The following TRIO variants were observed in gnomAD, a reference collection of about 807,000 sequenced individuals.
TRIO encodes the protein trio Rho guanine nucleotide exchange factor.
TRIO carries 58 observed loss-of-function variants against 351.9 expected under a neutral mutation model. That is an observed-to-expected ratio of 0.16 (90% confidence interval 0.13 to 0.21). The LOEUF is 0.21. TRIO is among the 10% of genes least tolerant of loss of function. TRIO has a pLI of 1.00. For missense variants in TRIO, 3,201 were observed against 4,027.8 expected, an observed-to-expected ratio of 0.79 and a Z score of 5.56; for synonymous variants, 1,758 against 1,595.7, an observed-to-expected ratio of 1.10 and a Z score of -2.42.
At position 14,168,421 on chromosome 5, in the gene TRIO, T is replaced by C. The variant is rs144415719; in HGVS notation, c.157+24539T>C. 2.3e-4 allele frequency among the ~76,000 whole-genome samples: 35 copies of C among 152,368 alleles called. No homozygotes were observed. In the East Asian group the frequency reaches 6.4e-3, roughly 28 times the overall value. On this transcript the variant is annotated intron_variant, in intron 1 of 56. Coordinates refer to ENST00000344204, the MANE Select transcript of TRIO (RefSeq NM_007118.4). The stretch of plus-strand genomic sequence containing the variant: ...AAGTACATTACTCATATTTTTAAAA[T>C]AGGAGATTCCCAAGTGGATCTGGCT...
intron 1 of TRIO, among the ~76,000 whole-genome samples, chr5:14,260,486 C>T (rs1029235543): frequency 2.6e-5 from 4 of 152,184 alleles, no homozygotes; most frequent in Admixed American, 2.0e-4. Flanking sequence ...GAATGCCAAG[C>T]GATTAAACAC....
chr5:14,151,380 GTGTGTT>G (rs921967949), intron 1 of TRIO, among the ~76,000 whole-genome samples: 2 of 84,238 alleles, frequency 2.4e-5, no homozygotes, highest in East Asian at 2.5e-4. Context: ...GTGTGTGTGT[GTGTGTT>G]TGTGTGTGTG....
At chr5:14,461,425 C>T in intron 35 of TRIO, 114 bp downstream of exon 35, 2 of 1,342,912 alleles carry the variant, frequency 1.5e-6, no homozygotes, top group Non-Finnish European at 2.0e-6. Context: ...TCCGCACTTA[C>T]TCAGAAATTA....
intron 56 of TRIO, 98 bp from the exon 57 acceptor site, chr5:14,507,782 C>A: frequency 7.0e-7 from 1 of 1,438,368 alleles, no homozygotes; most frequent in Non-Finnish European, 9.3e-7. Context: ...TAGTTGACAT[C>A]CTAGATTCCT....
chr5:14,269,328 A>G (rs1795860199), intron 1 of TRIO, among the ~76,000 whole-genome samples: 1 of 152,236 alleles, frequency 6.6e-6, no homozygotes, highest in African/African-American at 2.4e-5. Context: ...GTTTCTATGA[A>G]TGATAATGTT....
intron 1 of TRIO, among the ~76,000 whole-genome samples, chr5:14,210,898 C>T (rs1791848831): frequency 6.6e-6 from 1 of 151,958 alleles, no homozygotes; most frequent in Non-Finnish European, 1.5e-5. Flanking sequence ...CCACTCCCTT[C>T]CTCCTTTCAC....
intron 41 of TRIO, chr5:14,477,298 TAAC>T (rs1364544437): frequency 4.8e-6 from 1 of 208,412 alleles, no homozygotes; most frequent in African/African-American, 2.3e-5. Context: ...GGGTTTAACA[TAAC>T]AGCCAAATAG....
At chr5:14,284,875 A>G (rs946091741) in intron 3 of TRIO, among the ~76,000 whole-genome samples, 2 of 152,230 alleles carry the variant, frequency 1.3e-5, no homozygotes, top group Admixed American at 6.5e-5. Context: ...CTTACTGGGC[A>G]GCAGGCTTCC....
chr5:14,337,658 A>T, intron 11 of TRIO, among the ~76,000 whole-genome samples: 1 of 152,172 alleles, frequency 6.6e-6, no homozygotes, highest in East Asian at 1.9e-4. Context: ...ATTTCAAGGC[A>T]TCAGTGCTCG....
intron 1 of TRIO, among the ~76,000 whole-genome samples, chr5:14,218,349 A>C (rs1032115505): frequency 1.8e-4 from 27 of 152,190 alleles, no homozygotes; most frequent in African/African-American, 6.5e-4. Flanking sequence ...AATCATAATA[A>C]CCCACATAGA....
intron 4 of TRIO, 89 bp from the exon 5 acceptor site, chr5:14,290,627 A>C: frequency 1.3e-5 from 17 of 1,358,516 alleles, no homozygotes; most frequent in Non-Finnish European, 1.5e-5. Context: ...TTAACTTTGA[A>C]AACCTGTGAC....
chr5:14,279,887 A>T (rs778556222), intron 2 of TRIO, among the ~76,000 whole-genome samples: 1 of 152,208 alleles, frequency 6.6e-6, no homozygotes, highest in Non-Finnish European at 1.5e-5. Flanking sequence ...TCCTTTCAAG[A>T]CTTAGACCCA....
intron 48 of TRIO, among the ~76,000 whole-genome samples, chr5:14,492,164 T>C (rs1403718065): frequency 6.6e-6 from 1 of 152,220 alleles, no homozygotes; most frequent in African/African-American, 2.4e-5. Context: ...CATCAATTAA[T>C]TCTAATACCT....
At chr5:14,416,793 T>C (rs966524063) in intron 33 of TRIO, among the ~76,000 whole-genome samples, 5 of 152,080 alleles carry the variant, frequency 3.3e-5, no homozygotes, top group African/African-American at 1.2e-4. Context: ...TCTGGAAAAT[T>C]AATAAGACTC....
intron 34 of TRIO, among the ~76,000 whole-genome samples, chr5:14,436,540 A>G (rs1360356422): frequency 1.3e-5 from 2 of 152,156 alleles, no homozygotes. Context: ...AATAACTCAA[A>G]AGTCCACAGT....
intron 1 of TRIO, among the ~76,000 whole-genome samples, chr5:14,226,017 C>G (rs1581392207): frequency 6.6e-6 from 1 of 152,164 alleles, no homozygotes; most frequent in Non-Finnish European, 1.5e-5. Flanking sequence ...TCCTTTCCTT[C>G]CTGCTTCCTG....
At chr5:14,399,336 A>G (rs540771522) in intron 30 of TRIO, 3 of 454,728 alleles carry the variant, frequency 6.6e-6, no homozygotes, top group South Asian at 6.5e-5. Flanking sequence ...AAAACATTTC[A>G]TAAGTGAAAT....
At chr5:14,186,836 C>T (rs897561104) in intron 1 of TRIO, among the ~76,000 whole-genome samples, 1 of 152,134 alleles carries the variant, frequency 6.6e-6, no homozygotes, top group African/African-American at 2.4e-5. Context: ...TCTCGGCCTC[C>T]CAAAATGCTG....
In TRIO at chr5:14,488,413, GGCC is replaced by G. The variant is rs1756209913; in HGVS notation, c.7632+155_7632+157del. The G allele has an allele frequency of 3.3e-6, 4 of 1,222,960 alleles. No homozygotes were observed. The African/African-American group carries it at 4.6e-5, about 14-fold the overall frequency. The allele number at this position is 1,222,960 out of a possible 1,614,324, so 75.8% of individuals were successfully genotyped here. Reference sequence around the variant, plus strand: ...CTGGGACCAGGCTAACCCTCCTGCGGGCCGGCCCACGGCGCTACTAACTACTCC... The same window carrying G: ...CTGGGACCAGGCTAACCCTCCTGCGGGGCCCACGGCGCTACTAACTACTCC... On this transcript the variant is annotated intron_variant, in intron 48 of 56. Coordinates refer to ENST00000344204, the MANE Select transcript of TRIO (RefSeq NM_007118.4).
Sources: gnomAD v4.1 joint callset for allele counts (sites outside exome capture counted in the v4.1 genomes callset) on GRCh38, gnomAD v4.1.1 for gene constraint, MANE v1.5 for transcripts, NCBI Gene and HGNC (gene_info 2026-07-23, HGNC 2026-07-21) for gene names.